Variants in ASTN2 observed in about 807,000 individuals in gnomAD.
ASTN2 encodes the protein astrotactin-2.
A neutral mutation model predicts 139.8 loss-of-function variants in ASTN2; 54 were observed. That is an observed-to-expected ratio of 0.39 (90% CI 0.31 to 0.48). ASTN2 has a LOEUF of 0.48. Ranked by LOEUF, ASTN2 falls within the 20% of genes least tolerant of loss-of-function variation. ASTN2 has a pLI of 0.95. For synonymous variants in ASTN2, 756 were observed against 719.5 expected, an observed-to-expected ratio of 1.05 and a Z score of -0.81; for missense variants, 1,565 against 1,725.1, an observed-to-expected ratio of 0.91 and a Z score of 1.64.
chr9:116,503,547 C>A (rs549935820), intron 19 of ASTN2, among the ~76,000 whole-genome samples: 99 of 152,282 alleles, frequency 6.5e-4, no homozygotes, highest in African/African-American at 2.2e-3. Flanking sequence ...GTTTTTCCTA[C>A]TGTTTAATAA....
At chr9:117,300,887 C>A (rs1834859559) in intron 1 of ASTN2, among the ~76,000 whole-genome samples, 1 of 152,164 alleles carries the variant, frequency 6.6e-6, no homozygotes, top group Non-Finnish European at 1.5e-5. Context: ...TCCTCCTCCC[C>A]AACCCCAGCT....
rs1426262658 is a variant in ASTN2, at chr9:116,731,831, C to G, written c.2521+1568G>C. ...GGGGCCTTTCCATTAAAGCACAGCA[C>G]CTCCTCACAGACCGTGGACATGTCT... On this transcript the variant is annotated intron_variant, in intron 14 of 22. Transcript: ENST00000313400. Among the ~76,000 whole-genome samples, 2 of 152,186 alleles carry G rather than the reference C, an allele frequency of 1.3e-5. 1 individual carries two copies. The highest frequency in any genetic ancestry group is 4.1e-4 in the South Asian group (2 of 4,830).
chr9:117,174,150 G>GATAC (rs1830861600), intron 3 of ASTN2, among the ~76,000 whole-genome samples: 2 of 151,540 alleles, frequency 1.3e-5, no homozygotes, highest in Admixed American at 1.3e-4. Context: ...TAGATAGATA[G>GATAC]ATAGATAGAT....
At chr9:117,239,905 T>C (rs1049374692) in intron 2 of ASTN2, among the ~76,000 whole-genome samples, 4 of 152,238 alleles carry the variant, frequency 2.6e-5, no homozygotes, top group African/African-American at 9.6e-5. Context: ...GTGGTTAGTA[T>C]GCTTAACTCC....
intron 19 of ASTN2, among the ~76,000 whole-genome samples, chr9:116,595,024 A>G (rs1854509836): frequency 6.6e-6 from 1 of 152,248 alleles, no homozygotes; most frequent in Admixed American, 6.5e-5. Flanking sequence ...GTAGGGATAA[A>G]GAGCAGAATT....
chr9:116,972,193 C>T (rs1345622268), intron 10 of ASTN2, among the ~76,000 whole-genome samples: 1 of 115,000 alleles, frequency 8.7e-6, no homozygotes, highest in Non-Finnish European at 1.8e-5. Context: ...AATTAGTTTA[C>T]TCATTAATGA....
chr9:117,038,071 G>C (rs913138023), intron 6 of ASTN2, among the ~76,000 whole-genome samples: 15 of 152,154 alleles, frequency 9.9e-5, no homozygotes, highest in Admixed American at 9.8e-4. Flanking sequence ...CAGTCCAAGT[G>C]AAAAACAAGT....
intron 1 of ASTN2, among the ~76,000 whole-genome samples, chr9:117,326,009 A>G (rs933128477): frequency 6.6e-6 from 1 of 152,106 alleles, no homozygotes; most frequent in African/African-American, 2.4e-5. Context: ...GGGCATTCTC[A>G]TCCCTTTCAG....
At chr9:116,642,276 T>C (rs542684769) in intron 17 of ASTN2, among the ~76,000 whole-genome samples, 1 of 152,134 alleles carries the variant, frequency 6.6e-6, no homozygotes, top group African/African-American at 2.4e-5. Context: ...CACTAGGCAC[T>C]CTTGACCTCC....
intron 10 of ASTN2, among the ~76,000 whole-genome samples, chr9:116,970,477 C>T (rs1428020156): frequency 6.6e-6 from 1 of 152,162 alleles, no homozygotes; most frequent in Non-Finnish European, 1.5e-5. Flanking sequence ...GACTTTGTGT[C>T]TTTTTTCTGC....
chr9:116,982,531 T>C (rs1836539961), intron 7 of ASTN2, among the ~76,000 whole-genome samples: 1 of 149,598 alleles, frequency 6.7e-6, no homozygotes, highest in South Asian at 2.2e-4. Context: ...GACCACAGTT[T>C]CTTTATCTGT....
intron 13 of ASTN2, among the ~76,000 whole-genome samples, chr9:116,803,522 A>ATATATATATATATATTTT (rs1554748694): frequency 9.5e-5 from 2 of 21,144 alleles, no homozygotes. Flanking sequence ...ATATATATAT[A>ATATATATATATATATTTT]TTTTTTTTTT....
At chr9:116,928,889 G>A (rs538568963) in intron 10 of ASTN2, among the ~76,000 whole-genome samples, 1 of 152,176 alleles carries the variant, frequency 6.6e-6, no homozygotes, top group South Asian at 2.1e-4. Flanking sequence ...AACAAAATAG[G>A]AATTCTGATC....
chr9:116,565,824 T>C (rs1588013398), intron 19 of ASTN2, among the ~76,000 whole-genome samples: 1 of 152,094 alleles, frequency 6.6e-6, no homozygotes, highest in South Asian at 2.1e-4. Context: ...TCCAATCCAA[T>C]AAGTTGACTT....
Position 116,999,548 on chromosome 9 carries a change from CTTTTTTTTTTTTTTTTTT to C in ASTN2, c.1591+8526_1591+8543del, listed in dbSNP as rs71379248. ...TTCCTCTTTCTTTCTTTCTCTCTTT[CTTTTTTTTTTTTTTTTTT>C]TTTTTTTTTTTTGGACAGAGTCTCA... On this transcript the variant is annotated intron_variant, in intron 7 of 22. Coordinates refer to ENST00000313400, the MANE Select transcript of ASTN2 (RefSeq NM_001365068.1). Among the ~76,000 whole-genome samples the C allele has an allele frequency of 1.1e-3, 108 of 94,966 alleles. 1 individual carries two copies. Among genetic ancestry groups the C allele is most frequent in the South Asian group, 7.6e-3 (14 of 1,838 alleles). The allele number at this position is 94,966 out of a possible 152,430, so 62.3% of individuals were successfully genotyped here. A position where few individuals can be genotyped will look rare whatever the true frequency, so the allele number is the denominator to read the frequency against.
intron 19 of ASTN2, among the ~76,000 whole-genome samples, chr9:116,600,154 C>G (rs1854798170): frequency 6.6e-6 from 1 of 151,846 alleles, no homozygotes; most frequent in Non-Finnish European, 1.5e-5. Context: ...AAAAGCCCAT[C>G]TCTACAAAAA....
At chr9:117,178,338 C>G (rs1830969208) in intron 3 of ASTN2, among the ~76,000 whole-genome samples, 1 of 152,116 alleles carries the variant, frequency 6.6e-6, no homozygotes, top group Non-Finnish European at 1.5e-5. Context: ...AACAGACACT[C>G]AATGAGTGTC....
chr9:117,296,998 C>T (rs562967700), intron 1 of ASTN2, among the ~76,000 whole-genome samples: 11 of 152,302 alleles, frequency 7.2e-5, no homozygotes, highest in African/African-American at 2.6e-4. Context: ...ATAAAAAATC[C>T]CAAAGGCATG....
intron 19 of ASTN2, chr9:116,585,931 T>C (rs1426542745): frequency 1.3e-5 from 2 of 152,070 alleles, no homozygotes; most frequent in African/African-American, 4.8e-5. Context: ...ATATTCAGAC[T>C]CTGTAAGAAA....
Sources: allele counts gnomAD v4.1 joint callset (sites outside exome capture counted in the v4.1 genomes callset), GRCh38; gene constraint gnomAD v4.1.1; transcripts MANE v1.5; gene names NCBI Gene and HGNC (gene_info 2026-07-23, HGNC 2026-07-21).